The following AKAP6 variants were observed in gnomAD, a reference collection of about 807,000 sequenced individuals.
The protein encoded by AKAP6 is A-kinase anchor protein 6.
A neutral mutation model predicts 188.5 loss-of-function variants in AKAP6; 58 were observed. The observed-to-expected ratio is 0.31, with a 90% CI of 0.25 to 0.38. AKAP6 has a LOEUF of 0.38. Ranked by LOEUF, AKAP6 falls within the 10% of genes least tolerant of loss-of-function variation. AKAP6 has a pLI of 1.00. For synonymous variants in AKAP6, 989 were observed against 998.6 expected, an observed-to-expected ratio of 0.99 and a Z score of 0.18; for missense variants, 2,710 against 2,740.0, an observed-to-expected ratio of 0.99 and a Z score of 0.24.
At chr14:32,659,234 C>A (rs750414178) in intron 7 of AKAP6, among the ~76,000 whole-genome samples, 1 of 152,044 alleles carries the variant, frequency 6.6e-6, no homozygotes, top group East Asian at 1.9e-4. Flanking sequence ...AAAAGATTGG[C>A]GTTTTCATTA....
intron 11 of AKAP6, among the ~76,000 whole-genome samples, chr14:32,749,009 A>G (rs1446594817): frequency 1.3e-5 from 2 of 152,170 alleles, no homozygotes; most frequent in Admixed American, 6.5e-5. Context: ...AACAAAATTT[A>G]TATTTTAATG....
chr14:32,410,630 T>G (rs1316029225), intron 1 of AKAP6, among the ~76,000 whole-genome samples: 1 of 152,180 alleles, frequency 6.6e-6, no homozygotes, highest in African/African-American at 2.4e-5. Context: ...TTCATTGACA[T>G]GTATAATGAG....
At chr14:32,672,571 G>C (rs1217918827) in intron 7 of AKAP6, among the ~76,000 whole-genome samples, 1 of 152,054 alleles carries the variant, frequency 6.6e-6, no homozygotes, top group Non-Finnish European at 1.5e-5. Context: ...TATTGGATTG[G>C]GACCCCCACC....
At chr14:32,379,129 C>G (rs1221682182) in intron 1 of AKAP6, among the ~76,000 whole-genome samples, 1 of 152,046 alleles carries the variant, frequency 6.6e-6, no homozygotes, top group Non-Finnish European at 1.5e-5. Flanking sequence ...CCATGTTGGC[C>G]AGGCTGGTCT....
intron 2 of AKAP6, among the ~76,000 whole-genome samples, chr14:32,529,964 T>G (rs897655065): frequency 8.3e-5 from 1 of 12,008 alleles, no homozygotes; most frequent in African/African-American, 6.7e-4. Context: ...GTAAAGAAAC[T>G]TTTTTTTTTT....
chr14:32,532,315 T>G (rs1383097179), intron 2 of AKAP6, among the ~76,000 whole-genome samples: 1 of 152,160 alleles, frequency 6.6e-6, no homozygotes, highest in Admixed American at 6.6e-5. Context: ...ATGGGAAGGG[T>G]GTTTTTTTCC....
intron 1 of AKAP6, among the ~76,000 whole-genome samples, chr14:32,361,517 G>C (rs1887664772): frequency 6.6e-6 from 1 of 152,130 alleles, no homozygotes; most frequent in Non-Finnish European, 1.5e-5. Flanking sequence ...TGAATCAGGG[G>C]AACATTAAAG....
intron 11 of AKAP6, 91 bp downstream of exon 11, chr14:32,735,973 TCTGTG>T: frequency 1.0e-6 from 1 of 958,706 alleles, no homozygotes; most frequent in East Asian, 2.5e-5. Context: ...TACCCATGTA[TCTGTG>T]TATCACTGTG....
chr14:32,342,515 T>G (rs2138417444), intron 1 of AKAP6, among the ~76,000 whole-genome samples: 1 of 152,336 alleles, frequency 6.6e-6, no homozygotes, highest in African/African-American at 2.4e-5. Flanking sequence ...GCTCTTCTAC[T>G]TCCTGCCTTC....
At chr14:32,400,498 A>G (rs751779821) in intron 1 of AKAP6, among the ~76,000 whole-genome samples, 4 of 124,026 alleles carry the variant, frequency 3.2e-5, no homozygotes, top group Admixed American at 1.2e-4. Flanking sequence ...TGTTGGTTAT[A>G]TTTTATGCAG....
intron 1 of AKAP6, among the ~76,000 whole-genome samples, chr14:32,376,733 G>T (rs1027890002): frequency 3.9e-5 from 6 of 152,160 alleles, no homozygotes; most frequent in African/African-American, 1.4e-4. Flanking sequence ...GTATCACTCT[G>T]TTGCCCAGGC....
At chr14:32,787,517 C>A (rs1489958482) in intron 12 of AKAP6, among the ~76,000 whole-genome samples, 2 of 99,684 alleles carry the variant, frequency 2.0e-5, no homozygotes, top group South Asian at 6.1e-4. Context: ...CTAGATTTCA[C>A]CCCCCCCAAA....
intron 9 of AKAP6, among the ~76,000 whole-genome samples, chr14:32,711,361 G>A (rs1237654050): frequency 2.0e-5 from 3 of 152,026 alleles, no homozygotes; most frequent in Admixed American, 6.6e-5. Flanking sequence ...GGTTGTCACT[G>A]TGCTCACAGG....
chr14:32,529,343 C>T (rs1882289969), intron 2 of AKAP6, among the ~76,000 whole-genome samples: 1 of 152,152 alleles, frequency 6.6e-6, no homozygotes, highest in Non-Finnish European at 1.5e-5. Flanking sequence ...GCTATGATTG[C>T]TTATTAGTCC....
intron 1 of AKAP6, among the ~76,000 whole-genome samples, chr14:32,404,819 A>G (rs1399845271): frequency 4.6e-5 from 7 of 150,572 alleles, no homozygotes; most frequent in African/African-American, 1.5e-4. Context: ...GGAAAAGTAC[A>G]AAGGGTAGTG....
chr14:32,572,582 G>T (rs1566582355), intron 4 of AKAP6, among the ~76,000 whole-genome samples: 1 of 152,210 alleles, frequency 6.6e-6, no homozygotes, highest in Non-Finnish European at 1.5e-5. Context: ...AGGAGAAAGA[G>T]TTAGGAAAAG....
chr14:32,376,226 AC>A (rs1251099614), intron 1 of AKAP6, among the ~76,000 whole-genome samples: 8 of 152,096 alleles, frequency 5.3e-5, no homozygotes. Context: ...ACCTTGGGGC[AC>A]CCCCCACTCC....
At chr14:32,616,045 T>G (rs995193315) in intron 7 of AKAP6, among the ~76,000 whole-genome samples, 7 of 152,204 alleles carry the variant, frequency 4.6e-5, no homozygotes, top group Admixed American at 3.9e-4. Context: ...CTATAAATCA[T>G]TGATTGGTGG....
chr14:32,593,616 T>C (rs1301739950), intron 5 of AKAP6, among the ~76,000 whole-genome samples: 2 of 152,136 alleles, frequency 1.3e-5, no homozygotes, highest in Admixed American at 6.5e-5. Context: ...TGATTTAAAA[T>C]AAATCAAAAT....
Sources: gnomAD v4.1 joint callset for allele counts (sites outside exome capture counted in the v4.1 genomes callset) on GRCh38, gnomAD v4.1.1 for gene constraint, MANE v1.5 for transcripts, NCBI Gene and HGNC (gene_info 2026-07-23, HGNC 2026-07-21) for gene names.